Variants in RANBP2 observed in about 807,000 individuals in gnomAD.
The protein encoded by RANBP2 is E3 SUMO-protein ligase RanBP2.
Under a neutral mutation model 303.6 loss-of-function variants are expected in RANBP2, and 57 were observed. That is an observed-to-expected ratio of 0.19 (90% CI 0.15 to 0.23). The LOEUF (loss-of-function observed/expected upper bound fraction) is 0.23, where lower values mean the gene tolerates loss of function less well. Among genes scored for constraint, RANBP2 ranks in the 10% least tolerant of loss-of-function variants. The pLI is 1.00. For synonymous variants in RANBP2, 1,167 were observed against 1,301.5 expected (o/e 0.90, Z 2.23); for missense variants, 3,138 against 3,780.8 (o/e 0.83, Z 4.46).
chr2:108,949,178 C>T, the RANBP2 span, among the ~76,000 whole-genome samples: 4 of 151,966 alleles, frequency 2.6e-5, no homozygotes, highest in African/African-American at 4.8e-5. Flanking sequence ...GATGGGATTT[C>T]CCCATGTTGC....
chr2:109,107,351 G>T, the RANBP2 span, among the ~76,000 whole-genome samples: 1 of 152,204 alleles, frequency 6.6e-6, no homozygotes, highest in East Asian at 1.9e-4. Flanking sequence ...AAACTGAGGA[G>T]AGTTGACAGA....
the RANBP2 span, among the ~76,000 whole-genome samples, chr2:109,513,947 G>C: frequency 6.6e-6 from 1 of 152,142 alleles, no homozygotes; most frequent in Non-Finnish European, 1.5e-5. Flanking sequence ...GCAAGCAGCC[G>C]GGTGGAGCCC....
chr2:109,514,013 G>A, the RANBP2 span, among the ~76,000 whole-genome samples: 1 of 152,202 alleles, frequency 6.6e-6, no homozygotes. Flanking sequence ...GCGGCTCCAT[G>A]TCAGAGTTCT....
the RANBP2 span, among the ~76,000 whole-genome samples, chr2:108,956,852 G>A: frequency 3.3e-5 from 5 of 151,508 alleles, no homozygotes; most frequent in African/African-American, 4.9e-5. Context: ...GCAATGGCAC[G>A]ATCTCAGCAC....
the RANBP2 span, among the ~76,000 whole-genome samples, chr2:108,941,962 G>A: frequency 6.6e-6 from 1 of 152,208 alleles, no homozygotes; most frequent in African/African-American, 2.4e-5. Context: ...TCCATGCCAC[G>A]GTTCCCTGCT....
chr2:109,418,609 G>T, the RANBP2 span, among the ~76,000 whole-genome samples: 1 of 151,988 alleles, frequency 6.6e-6, no homozygotes, highest in African/African-American at 2.4e-5. Flanking sequence ...ATTGGATTTG[G>T]TGCCCACTCT....
At chr2:109,646,499 T>A in the RANBP2 span, among the ~76,000 whole-genome samples, 1 of 149,812 alleles carries the variant, frequency 6.7e-6, no homozygotes, top group African/African-American at 2.4e-5. Flanking sequence ...GGCTAATAAT[T>A]TTTTTTTTTT....
At chr2:108,760,577 T>A (rs1202604446) in intron 18 of RANBP2, among the ~76,000 whole-genome samples, 1 of 152,212 alleles carries the variant, frequency 6.6e-6, no homozygotes, top group Non-Finnish European at 1.5e-5. Flanking sequence ...ACTTTGCTAA[T>A]GCTGACTTAC....
chr2:109,078,098 A>ATATATAGCGTG, the RANBP2 span, among the ~76,000 whole-genome samples: 22 of 60,056 alleles, frequency 3.7e-4, 2 homozygotes, highest in East Asian at 6.2e-3. Context: ...ATATATATAT[A>ATATATAGCGTG]TATATATATA....
chr2:109,339,706 C>T, the RANBP2 span, among the ~76,000 whole-genome samples: 6 of 152,166 alleles, frequency 3.9e-5, no homozygotes, highest in African/African-American at 1.4e-4. Context: ...CCTCTAAGTA[C>T]CCATTATCAG....
At chr2:108,799,475 C>A in the RANBP2 span, among the ~76,000 whole-genome samples, 1 of 152,202 alleles carries the variant, frequency 6.6e-6, no homozygotes, top group Non-Finnish European at 1.5e-5. Context: ...CAGCCTCAGC[C>A]CTTGGCAACC....
chr2:109,568,824 A>G, the RANBP2 span, among the ~76,000 whole-genome samples: 1 of 152,112 alleles, frequency 6.6e-6, no homozygotes, highest in Non-Finnish European at 1.5e-5. Context: ...ACTGTCACAG[A>G]CTTACTTAGA....
chr2:108,862,168 G>A, the RANBP2 span, among the ~76,000 whole-genome samples: 1 of 148,702 alleles, frequency 6.7e-6, no homozygotes, highest in African/African-American at 2.5e-5. Context: ...TATATATTCT[G>A]TGGTTGTGGG....
the RANBP2 span, among the ~76,000 whole-genome samples, chr2:109,523,920 G>A: frequency 2.6e-5 from 4 of 152,258 alleles, no homozygotes; most frequent in East Asian, 1.9e-4. Context: ...GGTTCCTACC[G>A]AGCCAGTGTC....
At chr2:109,649,960 G>T in the RANBP2 span, among the ~76,000 whole-genome samples, 1 of 152,144 alleles carries the variant, frequency 6.6e-6, no homozygotes, top group Non-Finnish European at 1.5e-5. Flanking sequence ...ACCCTTACTG[G>T]CACGTTTTAC....
the RANBP2 span, among the ~76,000 whole-genome samples, chr2:109,238,449 TTGTGTGTGTG>T: frequency 0.24 from 34,585 of 142,554 alleles, 4,654 homozygotes; most frequent in Non-Finnish European, 0.32. Context: ...TTATGTATAT[TTGTGTGTGTG>T]TGTGTGTGTG....
chr2:108,908,729 A>G, the RANBP2 span, among the ~76,000 whole-genome samples: 3 of 152,166 alleles, frequency 2.0e-5, no homozygotes, highest in Admixed American at 6.5e-5. Flanking sequence ...TATATGAAAA[A>G]CAATATTCTT....
chr2:108,978,734 C>A, the RANBP2 span, among the ~76,000 whole-genome samples: 48 of 152,260 alleles, frequency 3.2e-4, no homozygotes, highest in African/African-American at 2.4e-5. Flanking sequence ...AATGCCCAAC[C>A]CCGTGCAGGT....
chr2:109,559,577 G>A, the RANBP2 span, among the ~76,000 whole-genome samples: 16 of 152,318 alleles, frequency 1.1e-4, no homozygotes, highest in African/African-American at 3.6e-4. Flanking sequence ...TATGATTTCT[G>A]ACTACCTATC....
Sources: allele counts gnomAD v4.1 joint callset (sites outside exome capture counted in the v4.1 genomes callset), GRCh38; gene constraint gnomAD v4.1.1; transcripts MANE v1.5; gene names NCBI Gene and HGNC (gene_info 2026-07-23, HGNC 2026-07-21).